Variants in CTNNA2 observed in about 807,000 individuals in gnomAD.
The protein encoded by CTNNA2 is catenin alpha 2.
In CTNNA2, 42 loss-of-function variants were observed where a neutral mutation model predicts 101.0. The observed-to-expected ratio is 0.42, with a 90% confidence interval of 0.32 to 0.54. CTNNA2 has a LOEUF of 0.54. Ranked by LOEUF, CTNNA2 falls within the 20% of genes least tolerant of loss-of-function variation. CTNNA2 has a pLI of 0.14. For missense variants in CTNNA2, 871 were observed against 1,223.1 expected (o/e 0.71, Z 4.29); for synonymous variants, 450 against 456.4 (o/e 0.99, Z 0.18).
At chr2:79,328,047 G>C (rs564618477) in intron 3 of CTNNA2, among the ~76,000 whole-genome samples, 1 of 152,240 alleles carries the variant, frequency 6.6e-6, no homozygotes, top group African/African-American at 2.4e-5. Context: ...AGAGAGAAGA[G>C]TTAGAAGGGA....
chr2:79,518,270 G>T (rs1558692659), intron 1 of CTNNA2, among the ~76,000 whole-genome samples: 1 of 152,112 alleles, frequency 6.6e-6, no homozygotes, highest in Non-Finnish European at 1.5e-5. Context: ...ACATTTATGG[G>T]ATGTATTGAG....
At chr2:80,378,473 T>G (rs1218241943) in intron 7 of CTNNA2, among the ~76,000 whole-genome samples, 5 of 144,658 alleles carry the variant, frequency 3.5e-5, no homozygotes, top group Admixed American at 6.9e-5. Context: ...ACACACACAT[T>G]CATTCATATG....
chr2:79,512,109 A>G (rs1671560311), upstream of CTNNA2, among the ~76,000 whole-genome samples: 1 of 152,182 alleles, frequency 6.6e-6, no homozygotes, highest in African/African-American at 2.4e-5. Context: ...CCTCTGTAAC[A>G]GTTACATTCC....
At chr2:80,533,330 C>T (rs1354794666) in intron 9 of CTNNA2, among the ~76,000 whole-genome samples, 1 of 152,030 alleles carries the variant, frequency 6.6e-6, no homozygotes, top group Non-Finnish European at 1.5e-5. Flanking sequence ...GGCATCCCCT[C>T]CGCAAAAAAA....
chr2:80,522,683 T>C (rs1689672028), intron 9 of CTNNA2, among the ~76,000 whole-genome samples: 2 of 152,022 alleles, frequency 1.3e-5, no homozygotes, highest in Non-Finnish European at 2.9e-5. Flanking sequence ...TGTTTAAGTA[T>C]GTAGCACCCA....
chr2:80,565,635 T>C (rs1289490522), intron 12 of CTNNA2, among the ~76,000 whole-genome samples: 2 of 151,716 alleles, frequency 1.3e-5, no homozygotes, highest in East Asian at 1.9e-4. Context: ...CAGAAAGTCA[T>C]GGTGTGAAGA....
chr2:80,141,039 G>GTATTTATT (rs907039088), intron 7 of CTNNA2, among the ~76,000 whole-genome samples: 1 of 151,928 alleles, frequency 6.6e-6, no homozygotes, highest in African/African-American at 2.4e-5. Flanking sequence ...TTTTAAAAAT[G>GTATTTATT]TATTTATTTA....
At chr2:79,762,291 A>T (rs1386102922) in intron 3 of CTNNA2, among the ~76,000 whole-genome samples, 2 of 152,194 alleles carry the variant, frequency 1.3e-5, no homozygotes, top group Non-Finnish European at 2.9e-5. Context: ...GTCTCAATTG[A>T]CAGCAGGCCA....
chr2:79,985,917 A>T (rs1691724297), intron 7 of CTNNA2, among the ~76,000 whole-genome samples: 1 of 152,150 alleles, frequency 6.6e-6, no homozygotes, highest in South Asian at 2.1e-4. Flanking sequence ...ATCTGTCCTT[A>T]TTCCCTCTAG....
At chr2:80,594,199 G>A (rs996991022) in intron 15 of CTNNA2, among the ~76,000 whole-genome samples, 1 of 152,082 alleles carries the variant, frequency 6.6e-6, no homozygotes, top group Non-Finnish European at 1.5e-5. Flanking sequence ...TGGATGTGAA[G>A]TGGTGTCTCA....
At chr2:79,899,068 G>T (rs1264576200) in intron 6 of CTNNA2, among the ~76,000 whole-genome samples, 2 of 152,078 alleles carry the variant, frequency 1.3e-5, no homozygotes, top group African/African-American at 4.8e-5. Context: ...TTAGTCAGCG[G>T]GTGGTAAATT....
intron 9 of CTNNA2, among the ~76,000 whole-genome samples, chr2:80,479,355 G>T (rs1685972084): frequency 6.6e-6 from 1 of 152,108 alleles, no homozygotes; most frequent in Admixed American, 6.6e-5. Context: ...CTGGTGTCTA[G>T]TGGGTAAAGA....
rs1192427315 is a variant in CTNNA2 at position 79,858,045 on chromosome 2, G to A, written c.331G>A (p.Ala111Thr). The A allele has an allele frequency of 6.2e-7, 1 of 1,613,810 alleles. No individual in the cohort carries two copies. Among genetic ancestry groups the A allele is most frequent in the Non-Finnish European group, 8.5e-7 (1 of 1,179,714 alleles). The change falls in exon 4 of 19, where the codon GCA becomes ACA. Residue 111 changes from alanine to threonine, a missense_variant. Transcript: ENST00000402739. Reference sequence around the variant, plus strand: ...GATGCGGATCGCCTCCTCCGAGTTTGCAGATGACCCTTGCTCGTCGGTAAA... The same window carrying A: ...GATGCGGATCGCCTCCTCCGAGTTTACAGATGACCCTTGCTCGTCGGTAAA... ...ETMRIASSEF[A>T]DDPCSSVKRG...
intron 1 of CTNNA2, among the ~76,000 whole-genome samples, chr2:79,617,153 T>G (rs1678683076): frequency 6.6e-6 from 1 of 152,058 alleles, no homozygotes; most frequent in Admixed American, 6.5e-5. Flanking sequence ...CCGCCCACCT[T>G]GGCCTCCCAA....
Position 80,237,337 on chromosome 2 carries a change from A to G in CTNNA2, c.1057-155874A>G, listed in dbSNP as rs530697095. ...ACAGTACCCAAATTACAATGGTTCA[A>G]TGCATGATATTTTGACTTTAGGATG... is the stretch of plus-strand genomic sequence containing the variant. On this transcript the variant is annotated intron_variant, in intron 7 of 18. Coordinates refer to ENST00000402739, the MANE Select transcript of CTNNA2 (RefSeq NM_001282597.3). Among the ~76,000 whole-genome samples the G allele has an allele frequency of 1.0e-3, 159 of 152,324 alleles. 2 individuals carry two copies. The Middle Eastern group carries it at 0.024, about 23-fold the overall frequency.
At position 80,192,652 on chromosome 2, in the gene CTNNA2, G is replaced by T. The variant is rs141117333; in HGVS notation, c.1057-200559G>T. Among the ~76,000 whole-genome samples the T allele has an allele frequency of 4.6e-3, 695 of 151,982 alleles. 4 individuals are homozygous for T. Among genetic ancestry groups the T allele is most frequent in the African/African-American group, 0.016 (655 of 41,422 alleles). On this transcript the variant is annotated intron_variant, in intron 7 of 18. Coordinates refer to ENST00000402739, the MANE Select transcript of CTNNA2 (RefSeq NM_001282597.3). ...AGCGATTCTCCTGCCTCAGCCTCCC[G>T]AGTAGCTAGGGTTACGGCACTAGCC...
At chr2:80,644,101 T>G (rs762599775) in intron 18 of CTNNA2, among the ~76,000 whole-genome samples, 23 of 152,228 alleles carry the variant, frequency 1.5e-4, no homozygotes, top group Admixed American at 4.6e-4. Context: ...CATTGCTCCA[T>G]GGTGGGGTTC....
intron 12 of CTNNA2, among the ~76,000 whole-genome samples, chr2:80,561,827 A>ATTTTTTTTTTTTTTTTT: frequency 8.1e-6 from 1 of 123,578 alleles, no homozygotes; most frequent in Non-Finnish European, 1.7e-5. Flanking sequence ...CGCCTGGCTA[A>ATTTTTTTTTTTTTTTTT]TTTTTTTTTT....
At chr2:79,537,240 T>G (rs1673129449) in intron 1 of CTNNA2, among the ~76,000 whole-genome samples, 1 of 152,180 alleles carries the variant, frequency 6.6e-6, no homozygotes, top group South Asian at 2.1e-4. Context: ...CCACCATTTC[T>G]AGAAATTAAC....
Sources: allele counts gnomAD v4.1 joint callset (sites outside exome capture counted in the v4.1 genomes callset), GRCh38; gene constraint gnomAD v4.1.1; transcripts MANE v1.5; gene names NCBI Gene and HGNC (gene_info 2026-07-23, HGNC 2026-07-21).